The following SNX16 variants were observed in gnomAD, a reference collection of about 807,000 sequenced individuals.
SNX16 encodes the protein sorting nexin 16.
SNX16 carries 35 observed loss-of-function variants against 36.7 expected under a neutral mutation model. That is an observed-to-expected ratio of 0.95 (90% confidence interval 0.73 to 1.27). The LOEUF is 1.27. Ranked by LOEUF, SNX16 falls within the 50% of genes most tolerant of loss-of-function variation. The pLI is 0.00. For synonymous variants in SNX16, 134 were observed against 132.0 expected, an observed-to-expected ratio of 1.02 and a Z score of -0.10; for missense variants, 367 against 393.6, an observed-to-expected ratio of 0.93 and a Z score of 0.57.
Position 81,807,957 on chromosome 8 carries a change from T to G in SNX16, c.682-4729A>C. 3 of 786,424 alleles carry G rather than the reference T, an allele frequency of 3.8e-6. No individual in the cohort carries two copies. In the South Asian group the frequency reaches 4.0e-5, roughly 11 times the overall value. 48.7% of individuals were successfully genotyped at this position (786,424 alleles called of 1,614,324 possible). On this transcript the variant is annotated intron_variant, in intron 5 of 7. Coordinates refer to ENST00000345957, the MANE Select transcript of SNX16 (RefSeq NM_152836.3). ...CCAGGGGCTTTGGGTTTGTCACATA[T>G]GCCACTGTGGGGGAGGTGGATGCAG...
chr8:81,836,407 A>G (rs1811498853), intron 2 of SNX16, among the ~76,000 whole-genome samples: 1 of 152,212 alleles, frequency 6.6e-6, no homozygotes, highest in South Asian at 2.1e-4. Flanking sequence ...GTATGTGTAC[A>G]CATTAACACA....
At chr8:81,826,130 G>A (rs1811009232) in intron 3 of SNX16, among the ~76,000 whole-genome samples, 2 of 151,536 alleles carry the variant, frequency 1.3e-5, no homozygotes, top group South Asian at 4.2e-4. Flanking sequence ...ATCCAACAAA[G>A]GAGAGAAATG....
intron 4 of SNX16, among the ~76,000 whole-genome samples, chr8:81,818,423 T>C (rs1017934437): frequency 1.2e-4 from 18 of 152,124 alleles, no homozygotes; most frequent in Admixed American, 4.6e-4. Flanking sequence ...ACAAAAGTTA[T>C]CTTTAAGTAT....
intron 5 of SNX16, among the ~76,000 whole-genome samples, chr8:81,807,048 A>G (rs531742009): frequency 2.0e-5 from 3 of 152,208 alleles, no homozygotes; most frequent in Admixed American, 1.3e-4. Flanking sequence ...TTAAAATTCC[A>G]AACAAAATGG....
rs1032767080 is a variant in SNX16, at chr8:81,823,685, C to T, written c.611+107G>A. Reference sequence around the variant, plus strand: ...TTAAAGAAGACAAGTAATTATACTCCAACCCTGTATTTTTGTGCTTAAATA... The same window carrying T: ...TTAAAGAAGACAAGTAATTATACTCTAACCCTGTATTTTTGTGCTTAAATA... On this transcript the variant is annotated intron_variant, in intron 4 of 7. Coordinates refer to ENST00000345957, the MANE Select transcript of SNX16 (RefSeq NM_152836.3). 11 of 970,332 alleles carry T rather than the reference C, an allele frequency of 1.1e-5. No individual in the cohort carries two copies. In the African/African-American group the frequency reaches 1.7e-4, roughly 15 times the overall value. 60.1% of individuals were successfully genotyped at this position (970,332 alleles called of 1,614,324 possible).
intron 5 of SNX16, among the ~76,000 whole-genome samples, chr8:81,806,397 G>T (rs1032548304): frequency 1.3e-5 from 2 of 151,532 alleles, no homozygotes; most frequent in Non-Finnish European, 2.9e-5. Context: ...CACACCAATA[G>T]ATTAAAAAAA....
At chr8:81,803,023 A>G (rs1304975500) in intron 6 of SNX16, 69 bp downstream of exon 6, 5 of 1,293,082 alleles carry the variant, frequency 3.9e-6, no homozygotes, top group Non-Finnish European at 3.1e-6. Flanking sequence ...ATTAAAATAT[A>G]AAGGGCAGTT....
chr8:81,838,000 A>G (rs1176844808), intron 2 of SNX16, among the ~76,000 whole-genome samples: 1 of 152,212 alleles, frequency 6.6e-6, no homozygotes, highest in African/African-American at 2.4e-5. Flanking sequence ...ACTTTACTAA[A>G]AGAACAAAGT....
chr8:81,838,273 T>G (rs1191561762), intron 2 of SNX16, among the ~76,000 whole-genome samples: 3 of 152,076 alleles, frequency 2.0e-5, no homozygotes, highest in African/African-American at 7.2e-5. Flanking sequence ...GAAAACTCAG[T>G]AAAGATGTCA....
intron 4 of SNX16, 105 bp downstream of exon 4, chr8:81,823,683 TCCAA>T (rs1346800562): frequency 3.0e-5 from 29 of 958,100 alleles, no homozygotes; most frequent in Non-Finnish European, 4.3e-5. Context: ...GTAATTATAC[TCCAA>T]CCCTGTATTT....
chr8:81,803,821 C>T (rs1196516858), intron 5 of SNX16, among the ~76,000 whole-genome samples: 1 of 151,232 alleles, frequency 6.6e-6, no homozygotes, highest in African/African-American at 2.4e-5. Flanking sequence ...CTCAACAACA[C>T]AGAAAAACAT....
At position 81,801,577 on chromosome 8, in the gene SNX16, A is replaced by T. The variant is rs761448961; in HGVS notation, c.955T>A (p.Cys319Ser). 2.6e-6 allele frequency: 4 copies of T among 1,533,150 alleles called. No homozygotes were observed. The highest frequency in any genetic ancestry group is 2.3e-5 in the South Asian group (2 of 87,014). The allele number at this position is 1,533,150 out of a possible 1,614,324, so 95.0% of individuals were successfully genotyped here. A position where few individuals can be genotyped will look rare whatever the true frequency, so the allele number is the denominator to read the frequency against. Residue 319 changes from cysteine to serine, a missense_variant, in exon 8 of 8, where the codon TGC (cysteine) becomes AGC (serine). By Grantham distance (112) the Cys-to-Ser change is moderately radical. Transcript: ENST00000345957. ...DEESRADNKP[C>S]LSFSEPENAV... ...TTTTCAGGTTCACTAAAACTTAAGC[A>T]TGGTTTATTATCAGCTCTGCAAAAA...
chr8:81,803,549 G>A (rs943166156), intron 5 of SNX16, among the ~76,000 whole-genome samples: 1 of 151,910 alleles, frequency 6.6e-6, no homozygotes, highest in Admixed American at 6.6e-5. Context: ...GGCAACTACT[G>A]CTTTAGTTTT....
At chr8:81,802,651 G>GAAAATCA (rs1809756781) in intron 6 of SNX16, 152 bp from the exon 7 acceptor site, 1 of 541,462 alleles carries the variant, frequency 1.8e-6, no homozygotes. Flanking sequence ...AGTCAACAGA[G>GAAAATCA]AAAATCAGTA....
rs780439916 is a variant in SNX16, at chr8:81,840,036, GAAC to G, written c.-53_-51del. The G allele has an allele frequency of 3.3e-6, 5 of 1,519,988 alleles. No homozygotes were observed. The highest frequency in any genetic ancestry group is 4.4e-6 in the Non-Finnish European group (5 of 1,139,232). The allele number at this position is 1,519,988 out of a possible 1,614,324, so 94.2% of individuals were successfully genotyped here. Reference sequence around the variant, plus strand: ...TTGCACACTGTTGAGTCCACTTAGAGAACAACTAATATGCAATCCATTATTTTC... The same window carrying G: ...TTGCACACTGTTGAGTCCACTTAGAGAACTAATATGCAATCCATTATTTTC... On this transcript the variant is annotated 5_prime_UTR_variant, in exon 2 of 8. Transcript: ENST00000345957.
At chr8:81,835,545 T>C (rs376647491) in intron 2 of SNX16, among the ~76,000 whole-genome samples, 4 of 152,338 alleles carry the variant, frequency 2.6e-5, no homozygotes. Context: ...AAGTCACCTC[T>C]TGAATGCTTT....
intron 3 of SNX16, among the ~76,000 whole-genome samples, chr8:81,826,875 A>G (rs565678748): frequency 1.1e-3 from 173 of 152,332 alleles, no homozygotes; most frequent in Admixed American, 2.0e-3. Flanking sequence ...TAGTTTCTAC[A>G]TAAGAGTAAC....
At chr8:81,827,625 C>G (rs1273957495) in intron 3 of SNX16, among the ~76,000 whole-genome samples, 1 of 152,006 alleles carries the variant, frequency 6.6e-6, no homozygotes, top group Non-Finnish European at 1.5e-5. Context: ...GCATCTTAAC[C>G]AAATCTTAAA....
At chr8:81,803,013 A>T in intron 6 of SNX16, 79 bp downstream of exon 6, 3 of 1,249,534 alleles carry the variant, frequency 2.4e-6, no homozygotes, top group Non-Finnish European at 3.2e-6. Context: ...CCTAAATCAT[A>T]TTAAAATATA....
Sources: gnomAD v4.1 joint callset for allele counts (sites outside exome capture counted in the v4.1 genomes callset) on GRCh38, gnomAD v4.1.1 for gene constraint, MANE v1.5 for transcripts, NCBI Gene and HGNC (gene_info 2026-07-23, HGNC 2026-07-21) for gene names.